Variants in L3MBTL3 observed in about 807,000 individuals in gnomAD.
L3MBTL3 encodes the protein lethal(3)malignant brain tumor-like protein 3.
A neutral mutation model predicts 102.3 loss-of-function variants in L3MBTL3; 27 were observed. That is an observed-to-expected ratio of 0.26 (90% CI 0.19 to 0.36). The LOEUF (loss-of-function observed/expected upper bound fraction) is 0.36. Ranked by LOEUF, L3MBTL3 falls within the 10% of genes least tolerant of loss-of-function variation. The pLI is 1.00. For missense variants in L3MBTL3, 798 were observed against 955.3 expected, an observed-to-expected ratio of 0.84 and a Z score of 2.17; for synonymous variants, 340 against 320.9, an observed-to-expected ratio of 1.06 and a Z score of -0.64.
At chr6:130,125,847 G>A (rs570972017) in intron 20 of L3MBTL3, among the ~76,000 whole-genome samples, 9 of 152,214 alleles carry the variant, frequency 5.9e-5, no homozygotes, top group African/African-American at 1.9e-4. Context: ...TTAAGACTCC[G>A]TAGGTCCATG....
intron 19 of L3MBTL3, among the ~76,000 whole-genome samples, chr6:130,116,711 C>G (rs114478921): frequency 6.6e-6 from 1 of 151,934 alleles, no homozygotes; most frequent in African/African-American, 2.4e-5. Context: ...ATGATGGCAC[C>G]ACTGCACTCC....
At chr6:130,126,629 A>G (rs1054481121) in intron 20 of L3MBTL3, among the ~76,000 whole-genome samples, 2 of 152,194 alleles carry the variant, frequency 1.3e-5, no homozygotes, top group Non-Finnish European at 2.9e-5. Context: ...AAGCCAAATC[A>G]GGAATTTTAA....
chr6:130,044,176 A>G (rs926988292), intron 3 of L3MBTL3, among the ~76,000 whole-genome samples: 1 of 152,212 alleles, frequency 6.6e-6, no homozygotes, highest in Non-Finnish European at 1.5e-5. Context: ...GCTTTGTCAA[A>G]TTATTTCAAT....
chr6:130,028,139 G>A (rs565577942), intron 2 of L3MBTL3, among the ~76,000 whole-genome samples: 2 of 151,186 alleles, frequency 1.3e-5, no homozygotes, highest in African/African-American at 4.9e-5. Context: ...AAGTAAGTAG[G>A]TTAGGCCACA....
intron 17 of L3MBTL3, 48 bp downstream of exon 17, chr6:130,092,907 G>A (rs1784146059): frequency 1.7e-6 from 2 of 1,153,334 alleles, no homozygotes; most frequent in Non-Finnish European, 2.6e-6. Context: ...TCCATATGTA[G>A]CATTCTTAAG....
intron 9 of L3MBTL3, among the ~76,000 whole-genome samples, chr6:130,059,597 T>G (rs1366221047): frequency 1.3e-5 from 2 of 152,274 alleles, no homozygotes; most frequent in African/African-American, 4.8e-5. Flanking sequence ...AATTGTTGTA[T>G]CAAAAAGAAT....
chr6:130,117,720 GAC>G (rs1336752337), intron 19 of L3MBTL3, among the ~76,000 whole-genome samples: 1 of 152,084 alleles, frequency 6.6e-6, no homozygotes, highest in Non-Finnish European at 1.5e-5. Flanking sequence ...TTCTTTCTGA[GAC>G]ACAGTCTCAC....
chr6:130,092,840 T>A lies in L3MBTL3; in HGVS notation c.1614T>A (p.His538Gln). ...TAGGCTGGTGTTCAAAAACAGGACA[T>A]CCCCTTCAGCCTCCTTTGAGTAAGA... ...HPVGWCSKTGHPLQPPLSPLE... is the reference protein window; with the variant it reads ...HPVGWCSKTGQPLQPPLSPLE... Residue 538 changes from histidine to glutamine, a missense_variant, in exon 17 of 23, where the codon CAT (histidine) becomes CAA (glutamine). Physicochemically the swap from His to Gln is conservative, Grantham distance 24. Around this residue, in one of 4 missense-constraint regions of L3MBTL3, gnomAD observed 306 missense variants for 314.4 expected, o/e 0.97. Transcript: ENST00000361794. 1 of 1,605,264 alleles carries A rather than the reference T, an allele frequency of 6.2e-7. No homozygotes were observed. Among genetic ancestry groups the A allele is most frequent in the South Asian group, 1.1e-5 (1 of 90,892 alleles).
chr6:130,019,891 G>C (rs1778835927), intron 1 of L3MBTL3, among the ~76,000 whole-genome samples: 1 of 141,402 alleles, frequency 7.1e-6, no homozygotes, highest in South Asian at 2.2e-4. Flanking sequence ...GCCGGGCCGG[G>C]AGCCCGCGCC....
intron 2 of L3MBTL3, among the ~76,000 whole-genome samples, chr6:130,035,661 C>A (rs1184605623): frequency 6.6e-6 from 1 of 152,188 alleles, no homozygotes; most frequent in Admixed American, 6.5e-5. Flanking sequence ...GCATGCTGGG[C>A]ATCAATGCCT....
chr6:130,061,931 A>G (rs542003083), intron 10 of L3MBTL3, among the ~76,000 whole-genome samples: 1 of 152,274 alleles, frequency 6.6e-6, no homozygotes, highest in East Asian at 1.9e-4. Context: ...GCAGTGTCAG[A>G]TGCTGTGGTT....
chr6:130,058,707 A>G (rs7760760), intron 9 of L3MBTL3, among the ~76,000 whole-genome samples: 85,805 of 151,626 alleles, frequency 0.57, 27,147 homozygotes, highest in East Asian at 0.76. Context: ...CAGTTAGGTC[A>G]TTGTAGCACA....
rs1404208346 is a variant in L3MBTL3 at position 130,062,448 on chromosome 6, G to A, written c.864+2308G>A. ...AACTGAGGCTGGAGTGCAGTGACGT[G>A]TACATGGCCTCACTGCAGCCCCAAC... On this transcript the variant is annotated intron_variant, in intron 10 of 22. Coordinates refer to ENST00000361794, the MANE Select transcript of L3MBTL3 (RefSeq NM_032438.4). 2.0e-5 allele frequency among the ~76,000 whole-genome samples: 3 copies of A among 150,896 alleles called. No homozygotes were observed. The East Asian group carries it at 5.8e-4, about 29-fold the overall frequency.
At chr6:130,085,084 C>G (rs922798265) in intron 15 of L3MBTL3, among the ~76,000 whole-genome samples, 6 of 152,152 alleles carry the variant, frequency 3.9e-5, no homozygotes, top group African/African-American at 1.2e-4. Context: ...CCCACCTCGG[C>G]CTCCCAAAGT....
chr6:130,050,452 G>T (rs376550534), intron 5 of L3MBTL3, among the ~76,000 whole-genome samples: 6 of 152,154 alleles, frequency 3.9e-5, no homozygotes, highest in East Asian at 1.9e-4. Flanking sequence ...TGTCCAGTTG[G>T]TAAATTCCTC....
At chr6:130,054,777 A>G (rs946566711) in intron 7 of L3MBTL3, among the ~76,000 whole-genome samples, 6 of 152,194 alleles carry the variant, frequency 3.9e-5, no homozygotes, top group Non-Finnish European at 8.8e-5. Flanking sequence ...CCTATGTAAG[A>G]TGACCTTGAA....
chr6:130,064,333 T>G (rs1410604730), intron 10 of L3MBTL3, among the ~76,000 whole-genome samples: 1 of 152,118 alleles, frequency 6.6e-6, no homozygotes, highest in Non-Finnish European at 1.5e-5. Context: ...AAGAGGCATC[T>G]GGGGGTAACT....
chr6:130,060,258 G>T, intron 10 of L3MBTL3, 118 bp downstream of exon 10: 1 of 603,148 alleles, frequency 1.7e-6, no homozygotes, highest in African/African-American at 1.9e-5. Context: ...TGTTTTGTGT[G>T]CATTATTTCA....
intron 19 of L3MBTL3, among the ~76,000 whole-genome samples, chr6:130,112,269 C>G (rs1159510074): frequency 1.3e-5 from 2 of 152,194 alleles, no homozygotes; most frequent in Non-Finnish European, 2.9e-5. Context: ...GTTGCCCTAA[C>G]CTGAGCACAC....
Sources: allele counts gnomAD v4.1 joint callset (sites outside exome capture counted in the v4.1 genomes callset), GRCh38; gene constraint gnomAD v4.1.1; regional missense constraint gnomAD v4.1.1; transcripts MANE v1.5; gene names NCBI Gene and HGNC (gene_info 2026-07-23, HGNC 2026-07-21).